The following KCNIP4 variants were observed in gnomAD, a reference collection of about 807,000 sequenced individuals.
KCNIP4 encodes Kv channel-interacting protein 4.
A neutral mutation model predicts 34.0 loss-of-function variants in KCNIP4; 12 were observed. The observed-to-expected ratio is 0.35, with a 90% CI of 0.23 to 0.57. The LOEUF is 0.57. Ranked by LOEUF, KCNIP4 falls within the 20% of genes least tolerant of loss-of-function variation. The pLI is 0.83. For missense variants in KCNIP4, 238 were observed against 311.7 expected, an observed-to-expected ratio of 0.76 and a Z score of 1.78; for synonymous variants, 124 against 102.2, an observed-to-expected ratio of 1.21 and a Z score of -1.29.
At chr4:21,451,628 A>G (rs985294316) in intron 1 of KCNIP4, among the ~76,000 whole-genome samples, 1 of 152,150 alleles carries the variant, frequency 6.6e-6, no homozygotes, top group Non-Finnish European at 1.5e-5. Context: ...GTAGATAACC[A>G]AAAAATTGAT....
chr4:21,149,447 G>A (rs993790092), intron 1 of KCNIP4, among the ~76,000 whole-genome samples: 2 of 152,042 alleles, frequency 1.3e-5, no homozygotes, highest in South Asian at 2.1e-4. Flanking sequence ...AACAGAGAAG[G>A]GTCTCAAGTG....
chr4:20,864,341 C>A (rs1722639303), intron 2 of KCNIP4, among the ~76,000 whole-genome samples: 1 of 150,508 alleles, frequency 6.6e-6, no homozygotes, highest in Non-Finnish European at 1.5e-5. Context: ...TGTATGTAAA[C>A]ATGTATGTAT....
At chr4:21,148,368 A>G (rs1474923025) in intron 1 of KCNIP4, among the ~76,000 whole-genome samples, 1 of 152,192 alleles carries the variant, frequency 6.6e-6, no homozygotes. Context: ...GGAGTTAATA[A>G]TCTGGAATAT....
chr4:20,741,787 G>C (rs10003206), intron 5 of KCNIP4, among the ~76,000 whole-genome samples: 3 of 151,934 alleles, frequency 2.0e-5, no homozygotes, highest in Non-Finnish European at 4.4e-5. Context: ...AGGAGCTGGT[G>C]TTTTGAAAAG....
intron 1 of KCNIP4, among the ~76,000 whole-genome samples, chr4:21,142,150 CAAA>C (rs369182504): frequency 7.2e-4 from 76 of 105,894 alleles, no homozygotes; most frequent in East Asian, 9.8e-4. Context: ...GACACCGTCT[CAAA>C]AAAAAAAAAA....
intron 1 of KCNIP4, among the ~76,000 whole-genome samples, chr4:21,309,542 AGAT>A (rs1266619618): frequency 6.6e-6 from 1 of 152,220 alleles, no homozygotes; most frequent in Non-Finnish European, 1.5e-5. Flanking sequence ...AACAAAATTC[AGAT>A]GATAATAGCT....
At chr4:21,185,032 A>G (rs896703026) in intron 1 of KCNIP4, among the ~76,000 whole-genome samples, 19 of 152,332 alleles carry the variant, frequency 1.2e-4, no homozygotes, top group African/African-American at 4.3e-4. Context: ...TTTATTATAC[A>G]AAAGATTGCC....
chr4:21,176,685 C>G (rs1754435517), intron 1 of KCNIP4, among the ~76,000 whole-genome samples: 2 of 152,150 alleles, frequency 1.3e-5, no homozygotes, highest in Admixed American at 6.5e-5. Context: ...CCACGCCCAG[C>G]TAATTTTTCC....
chr4:21,609,171 T>C (rs1743959921), intron 1 of KCNIP4, among the ~76,000 whole-genome samples: 1 of 152,152 alleles, frequency 6.6e-6, no homozygotes, highest in Non-Finnish European at 1.5e-5. Flanking sequence ...ATAGGAGAAA[T>C]CATTTCAAGT....
At chr4:21,133,503 G>A (rs780147429) in intron 1 of KCNIP4, among the ~76,000 whole-genome samples, 6 of 152,068 alleles carry the variant, frequency 3.9e-5, no homozygotes, top group African/African-American at 2.4e-5. Context: ...CACATCTTGT[G>A]CTACCTTTTC....
At chr4:20,864,680 G>A (rs1722689662) in intron 2 of KCNIP4, among the ~76,000 whole-genome samples, 1 of 151,936 alleles carries the variant, frequency 6.6e-6, no homozygotes, top group Non-Finnish European at 1.5e-5. Flanking sequence ...GTAGCAAAAG[G>A]GCTCTAAGCA....
intron 1 of KCNIP4, among the ~76,000 whole-genome samples, chr4:21,149,046 A>C (rs1054868892): frequency 6.6e-6 from 1 of 152,210 alleles, no homozygotes; most frequent in Non-Finnish European, 1.5e-5. Context: ...ATAAGTGTGC[A>C]ATCTATATAA....
Position 21,470,185 on chromosome 4 carries a change from G to A in KCNIP4, c.61+478386C>T, listed in dbSNP as rs572574051. Among the ~76,000 whole-genome samples the A allele has an allele frequency of 3.3e-5, 5 of 152,210 alleles. No individual in the cohort carries two copies. In the South Asian group the frequency reaches 6.2e-4, roughly 19 times the overall value. ...TTAGAACGTGAAGGTTGGTACTGCCGGTTCAGAGAAAGGAGGCAAGAGATT... is the reference window on the plus strand; with the variant it reads ...TTAGAACGTGAAGGTTGGTACTGCCAGTTCAGAGAAAGGAGGCAAGAGATT... On this transcript the variant is annotated intron_variant, in intron 1 of 8. Coordinates refer to ENST00000382152, the MANE Select transcript of KCNIP4 (RefSeq NM_025221.6).
chr4:20,794,606 T>C (rs1308194396), intron 3 of KCNIP4, among the ~76,000 whole-genome samples: 1 of 152,212 alleles, frequency 6.6e-6, no homozygotes, highest in East Asian at 1.9e-4. Flanking sequence ...AGGGATAACC[T>C]TGAAAGTTAG....
At chr4:21,240,859 G>T (rs73249516) in intron 1 of KCNIP4, among the ~76,000 whole-genome samples, 9,235 of 152,152 alleles carry the variant, frequency 0.061, 334 homozygotes, top group East Asian at 0.14. Flanking sequence ...ATTTACATTT[G>T]CTTTAATGTT....
Position 21,529,070 on chromosome 4 carries a change from G to A in KCNIP4, c.61+419501C>T, listed in dbSNP as rs149512152. ...TCTTTCCTCCTGCCCAGAGCATGAA[G>A]GAAGATACAGTGCAGCAGCTATTTT... On this transcript the variant is annotated intron_variant, in intron 1 of 8. Coordinates refer to ENST00000382152, the MANE Select transcript of KCNIP4 (RefSeq NM_025221.6). 4.0e-3 allele frequency among the ~76,000 whole-genome samples: 610 copies of A among 152,140 alleles called. 2 individuals carry two copies. Among genetic ancestry groups the A allele is most frequent in the African/African-American group, 0.014 (576 of 41,514 alleles).
chr4:21,517,844 T>C (rs12642679), intron 1 of KCNIP4, among the ~76,000 whole-genome samples: 47,373 of 152,016 alleles, frequency 0.31, 7,813 homozygotes, highest in South Asian at 0.46. Context: ...CCTCTCTGCA[T>C]GCACAGCTTT....
chr4:21,444,828 G>T (rs534767300), intron 1 of KCNIP4, among the ~76,000 whole-genome samples: 1 of 152,296 alleles, frequency 6.6e-6, no homozygotes, highest in Non-Finnish European at 1.5e-5. Context: ...AAAAGAGGAA[G>T]TCAACTTGTC....
intron 1 of KCNIP4, among the ~76,000 whole-genome samples, chr4:20,973,060 C>G (rs1006238038): frequency 6.6e-6 from 1 of 152,184 alleles, no homozygotes. Flanking sequence ...TTAAAATCAT[C>G]AGCTGCATTA....
Sources: gnomAD v4.1 joint callset for allele counts (sites outside exome capture counted in the v4.1 genomes callset) on GRCh38, gnomAD v4.1.1 for gene constraint, MANE v1.5 for transcripts, NCBI Gene and HGNC (gene_info 2026-07-23, HGNC 2026-07-21) for gene names.